The following SQOR variants were observed in gnomAD, a reference collection of about 807,000 sequenced individuals.
The protein encoded by SQOR is sulfide quinone oxidoreductase, also known as sulfide:quinone oxidoreductase, mitochondrial.
SQOR carries 39 observed loss-of-function variants against 48.6 expected under a neutral mutation model. The ratio of observed to expected loss-of-function variants is 0.80; its 90% CI spans 0.62 to 1.05. The LOEUF is 1.05. Ranked by LOEUF, SQOR falls within the 50% of genes least tolerant of loss-of-function variation. The pLI is 0.00. For synonymous variants in SQOR, 220 were observed against 206.2 expected (o/e 1.07, Z -0.57); for missense variants, 561 against 559.9 (o/e 1.00, Z -0.02).
chr15:45,632,282 C>T (rs1595567129), upstream of SQOR, among the ~76,000 whole-genome samples: 2 of 148,602 alleles, frequency 1.3e-5, no homozygotes, highest in Admixed American at 1.4e-4. Context: ...TGCAGTGGCA[C>T]GATCTTGGCT....
intron 4 of SQOR, 50 bp downstream of exon 4, chr15:45,670,031 G>A: frequency 6.6e-7 from 1 of 1,523,188 alleles, no homozygotes; most frequent in Non-Finnish European, 9.1e-7. Context: ...TATGCCAAGA[G>A]CAAATGCTGC....
intron 1 of SQOR, among the ~76,000 whole-genome samples, chr15:45,637,618 C>T (rs887440983): frequency 3.3e-5 from 5 of 151,930 alleles, no homozygotes; most frequent in African/African-American, 7.3e-5. Context: ...ACATTTGGAA[C>T]GGGGGTGTTT....
At chr15:45,666,653 G>A (rs1056089798) in intron 3 of SQOR, among the ~76,000 whole-genome samples, 1 of 152,050 alleles carries the variant, frequency 6.6e-6, no homozygotes, top group Non-Finnish European at 1.5e-5. Flanking sequence ...TCTACTATAT[G>A]CCAGCAGTTC....
intron 1 of SQOR, among the ~76,000 whole-genome samples, chr15:45,642,109 A>C (rs76476041): frequency 4.3e-4 from 66 of 152,336 alleles, no homozygotes; most frequent in African/African-American, 1.6e-3. Flanking sequence ...AAAAATGCTG[A>C]ACTCAACTGA....
At chr15:45,647,480 C>G (rs905019264) in intron 1 of SQOR, among the ~76,000 whole-genome samples, 1 of 151,730 alleles carries the variant, frequency 6.6e-6, no homozygotes, top group African/African-American at 2.4e-5. Context: ...AAGCACACCA[C>G]CACGCTTGGC....
chr15:45,690,026 A>G (rs1890293450), intron 9 of SQOR, among the ~76,000 whole-genome samples: 2 of 151,976 alleles, frequency 1.3e-5, no homozygotes, highest in Admixed American at 1.3e-4. Context: ...AGGCAGGTAC[A>G]TAGTAGGGAT....
In SQOR at chr15:45,689,196, T is replaced by A; in HGVS notation, c.1274T>A (p.Leu425Gln). 1 of 1,614,034 alleles carries A rather than the reference T, an allele frequency of 6.2e-7. No individual in the cohort carries two copies. Among genetic ancestry groups the A allele is most frequent in the South Asian group, 1.1e-5 (1 of 91,066 alleles). The change falls in exon 9 of 10, where the codon CTG becomes CAG. Residue 425 changes from leucine (L) to glutamine (Q), a missense_variant. Physicochemically the swap from Leu to Gln is moderately radical, Grantham distance 113. Transcript: ENST00000260324. ...ATGAAAGCTGACCTGATGCCTTTCC[T>A]GTATTGGAATATGATGCTAAGGTAA... ...YLMKADLMPF[L>Q]YWNMMLRGYW...
intron 1 of SQOR, among the ~76,000 whole-genome samples, chr15:45,654,470 A>C (rs1889558678): frequency 6.6e-6 from 1 of 152,206 alleles, no homozygotes; most frequent in South Asian, 2.1e-4. Flanking sequence ...TTTATTTATA[A>C]ATACTGAATC....
intron 1 of SQOR, chr15:45,645,809 CT>C (rs1193876325): frequency 1.3e-5 from 2 of 152,168 alleles, no homozygotes; most frequent in East Asian, 3.8e-4. Context: ...ATGATGTTTG[CT>C]TTGGTTGCCT....
At chr15:45,687,633 G>A (rs887153192) in intron 7 of SQOR, among the ~76,000 whole-genome samples, 5 of 152,272 alleles carry the variant, frequency 3.3e-5, no homozygotes, top group Middle Eastern at 3.4e-3. Flanking sequence ...GAAACAAAAC[G>A]ATGGAATTTG....
chr15:45,688,257 A>T, intron 7 of SQOR, 80 bp from the exon 8 acceptor site: 1 of 964,392 alleles, frequency 1.0e-6, no homozygotes. Flanking sequence ...CTTCTTGTTT[A>T]CATTAAAGTT....
intron 3 of SQOR, among the ~76,000 whole-genome samples, chr15:45,666,649 A>G (rs1214123960): frequency 6.6e-6 from 1 of 152,088 alleles, no homozygotes; most frequent in African/African-American, 2.4e-5. Context: ...AGTATCTACT[A>G]TATGCCAGCA....
chr15:45,688,411 A>G lies in SQOR; in HGVS notation c.1116+7A>G, dbSNP rs764667478. The G allele has an allele frequency of 1.9e-6, 3 of 1,585,564 alleles. No homozygotes were observed. The highest frequency in any genetic ancestry group is 1.7e-6 in the Non-Finnish European group (2 of 1,161,462). The stretch of plus-strand genomic sequence containing the variant: ...TCAAACACCAACAAAGAAGGTTTGT[A>G]TGCCTTGTAAGAATCACTGTCTCAA... On this transcript the variant is annotated splice_region_variant and intron_variant, in intron 8 of 9. Coordinates refer to ENST00000260324, the MANE Select transcript of SQOR (RefSeq NM_021199.4).
chr15:45,666,428 A>G (rs1360671126), intron 3 of SQOR, among the ~76,000 whole-genome samples: 1 of 152,184 alleles, frequency 6.6e-6, no homozygotes, highest in African/African-American at 2.4e-5. Flanking sequence ...GAAGGTGCTC[A>G]GTAAATATTT....
Position 45,673,732 on chromosome 15 carries a change from A to G in SQOR, c.585A>G (p.Pro195=). 6.2e-7 allele frequency: 1 copy of G among 1,614,178 alleles called. No homozygotes were observed. The highest frequency in any genetic ancestry group is 1.1e-5 in the South Asian group (1 of 91,084). The change falls in exon 5 of 10, where the codon CCA becomes CCG. Residue 195 remains proline, a synonymous_variant. Transcript: ENST00000260324. The part of the protein sequence containing the change: ...FKEGNAIFTF[P]NTPVKCAGAP... ...AGGGCAATGCCATCTTCACCTTCCCAAATACTCCAGTGAAGTGTGCTGGAG... is the reference window on the plus strand; with the variant it reads ...AGGGCAATGCCATCTTCACCTTCCCGAATACTCCAGTGAAGTGTGCTGGAG...
At chr15:45,639,423 G>C (rs1895067162) in intron 1 of SQOR, among the ~76,000 whole-genome samples, 1 of 152,224 alleles carries the variant, frequency 6.6e-6, no homozygotes, top group Non-Finnish European at 1.5e-5. Flanking sequence ...TGATCATAAT[G>C]AATCTCCATG....
At chr15:45,673,923 T>G in intron 5 of SQOR, 122 bp downstream of exon 5, 1 of 921,326 alleles carries the variant, frequency 1.1e-6, no homozygotes, top group Non-Finnish European at 1.6e-6. Context: ...ATTACATGTG[T>G]ACAAAATTAG....
chr15:45,669,488 AT>A (rs1313096544), intron 3 of SQOR, among the ~76,000 whole-genome samples: 2 of 152,114 alleles, frequency 1.3e-5, no homozygotes, highest in East Asian at 3.8e-4. Flanking sequence ...TAGACAGTGG[AT>A]TGTCTTTTAA....
At chr15:45,667,826 C>T (rs968591209) in intron 3 of SQOR, among the ~76,000 whole-genome samples, 5 of 152,116 alleles carry the variant, frequency 3.3e-5, no homozygotes, top group African/African-American at 1.2e-4. Context: ...TAGCTCTTAC[C>T]TAATATGCCC....
Sources: allele counts gnomAD v4.1 joint callset (sites outside exome capture counted in the v4.1 genomes callset), GRCh38; gene constraint gnomAD v4.1.1; transcripts MANE v1.5; gene names NCBI Gene and HGNC (gene_info 2026-07-23, HGNC 2026-07-21).